The following NEK1 variants were observed in gnomAD, a reference collection of about 807,000 sequenced individuals.
NEK1 encodes NIMA related kinase 1.
In NEK1, 137 loss-of-function variants were observed where a neutral mutation model predicts 182.1. The observed-to-expected ratio is 0.75, with a 90% CI of 0.65 to 0.87. The LOEUF is 0.87. NEK1 is among the 40% of genes least tolerant of loss of function. The pLI is 0.00. For missense variants in NEK1, 1,391 were observed against 1,494.4 expected (o/e 0.93, Z 1.14); for synonymous variants, 513 against 492.2 (o/e 1.04, Z -0.56).
intron 2 of NEK1, among the ~76,000 whole-genome samples, chr4:169,608,390 G>T (rs1382999255): frequency 6.6e-6 from 1 of 152,002 alleles, no homozygotes; most frequent in Non-Finnish European, 1.5e-5. Flanking sequence ...GTAGCCATGT[G>T]GGGAAAAAAA....
rs141706300 is a variant in NEK1, at chr4:169,460,818, A to C, written c.2587+2425T>G. 4.2e-3 allele frequency among the ~76,000 whole-genome samples: 635 copies of C among 152,272 alleles called. 3 individuals carry two copies. The highest frequency in any genetic ancestry group is 7.6e-3 in the Non-Finnish European group (520 of 68,010). ...TATTAAAGACAGTCAAGGAAAAAAAAGTAAGCCAAGGATTTTACATGCAGC... is the reference window on the plus strand; with the variant it reads ...TATTAAAGACAGTCAAGGAAAAAAACGTAAGCCAAGGATTTTACATGCAGC... On this transcript the variant is annotated intron_variant, in intron 27 of 35. Coordinates refer to ENST00000507142, the MANE Select transcript of NEK1 (RefSeq NM_001199397.3).
intron 18 of NEK1, among the ~76,000 whole-genome samples, chr4:169,546,366 T>G (rs1356474458): frequency 6.6e-6 from 1 of 152,218 alleles, no homozygotes; most frequent in Non-Finnish European, 1.5e-5. Flanking sequence ...ATGATTTCCA[T>G]TCTTTTGCAT....
chr4:169,442,262 C>T (rs757368927), intron 27 of NEK1, among the ~76,000 whole-genome samples: 12 of 152,152 alleles, frequency 7.9e-5, no homozygotes, highest in Admixed American at 2.0e-4. Context: ...TCCCTGTCCA[C>T]GGTAAATCCT....
At chr4:169,452,156 TGA>T (rs758621612) in intron 27 of NEK1, among the ~76,000 whole-genome samples, 5 of 152,336 alleles carry the variant, frequency 3.3e-5, no homozygotes, top group Non-Finnish European at 7.3e-5. Flanking sequence ...TAACAGGCTC[TGA>T]AATTGAGGCA....
At chr4:169,433,770 A>G (rs1312698705) in intron 28 of NEK1, 105 bp from the exon 29 acceptor site, 2 of 1,136,036 alleles carry the variant, frequency 1.8e-6, no homozygotes, top group East Asian at 2.6e-5. Flanking sequence ...AGGGTAATAT[A>G]TTCATTAAAA....
intron 23 of NEK1, among the ~76,000 whole-genome samples, chr4:169,497,928 G>T (rs1374507026): frequency 6.6e-6 from 1 of 152,176 alleles, no homozygotes; most frequent in Non-Finnish European, 1.5e-5. Flanking sequence ...GGTCCCCTTG[G>T]TGCAGAGCTG....
chr4:169,505,671 C>G (rs1343491261), intron 23 of NEK1, among the ~76,000 whole-genome samples: 1 of 152,108 alleles, frequency 6.6e-6, no homozygotes, highest in Admixed American at 6.5e-5. Flanking sequence ...TGGCATAAAA[C>G]AAGCAATAAA....
At chr4:169,402,599 T>C (rs1323938066) in intron 32 of NEK1, among the ~76,000 whole-genome samples, 1 of 152,224 alleles carries the variant, frequency 6.6e-6, no homozygotes, top group Non-Finnish European at 1.5e-5. Context: ...TGGAATGAAA[T>C]AACTTATACA....
chr4:169,448,462 A>T (rs939482110), intron 27 of NEK1, among the ~76,000 whole-genome samples: 1 of 152,226 alleles, frequency 6.6e-6, no homozygotes. Context: ...GCAAAAAAAT[A>T]AAAAGCAAGA....
intron 12 of NEK1, among the ~76,000 whole-genome samples, chr4:169,569,454 C>T (rs1174816740): frequency 3.0e-5 from 4 of 131,758 alleles, no homozygotes; most frequent in African/African-American, 1.3e-4. Flanking sequence ...CTCCCTCCCT[C>T]CCTCTCTCCC....
chr4:169,563,205 T>C (rs1397045885), intron 12 of NEK1, among the ~76,000 whole-genome samples: 2 of 151,738 alleles, frequency 1.3e-5, no homozygotes, highest in African/African-American at 4.8e-5. Flanking sequence ...ACAAAAAATT[T>C]TTAAAAATTA....
chr4:169,500,127 C>T (rs552912227), intron 23 of NEK1, among the ~76,000 whole-genome samples: 28 of 152,214 alleles, frequency 1.8e-4, no homozygotes, highest in African/African-American at 3.1e-4. Flanking sequence ...GCCTCGCTGC[C>T]GCCTTGCAGT....
chr4:169,576,860 A>C, intron 12 of NEK1, 68 bp downstream of exon 12: 1 of 1,371,124 alleles, frequency 7.3e-7, no homozygotes, highest in Non-Finnish European at 1.0e-6. Context: ...AGGTAACTGA[A>C]TTGAGCTGCA....
At chr4:169,454,261 A>G (rs1457920831) in intron 27 of NEK1, among the ~76,000 whole-genome samples, 1 of 152,250 alleles carries the variant, frequency 6.6e-6, no homozygotes, top group Non-Finnish European at 1.5e-5. Flanking sequence ...CATTCAGGAC[A>G]TAGGCATGGG....
rs571177148 is a variant in NEK1 at position 169,509,471 on chromosome 4, T to C, written c.1666-619A>G. On this transcript the variant is annotated intron_variant, in intron 19 of 35. Transcript: ENST00000507142. ...CTTAAAAAAAACTCTTTAGTCCCAC[T>C]TTCCTGTCAAATGTCTTTTTATTGG... 2.0e-5 allele frequency among the ~76,000 whole-genome samples: 3 copies of C among 152,306 alleles called. No homozygotes were observed. In the South Asian group the frequency reaches 6.2e-4, roughly 32 times the overall value.
At chr4:169,591,998 C>T (rs1261939775) in intron 5 of NEK1, among the ~76,000 whole-genome samples, 1 of 150,208 alleles carries the variant, frequency 6.7e-6, no homozygotes, top group East Asian at 2.0e-4. Context: ...AAAAAATGCC[C>T]GAAAAACGCA....
intron 27 of NEK1, among the ~76,000 whole-genome samples, chr4:169,450,119 A>T (rs758998230): frequency 7.9e-5 from 12 of 152,200 alleles, no homozygotes; most frequent in Non-Finnish European, 1.6e-4. Flanking sequence ...CGAGAAGAGA[A>T]GTTTAGAGAA....
At chr4:169,581,039 TAAAAAAAAAA>T (rs34236215) in intron 10 of NEK1, 137 bp from the exon 11 acceptor site, 29 of 130,970 alleles carry the variant, frequency 2.2e-4, no homozygotes, top group South Asian at 1.7e-3. Context: ...ACCAAGTTGT[TAAAAAAAAAA>T]AAAAAAAAAA....
At chr4:169,417,526 C>T (rs1037442988) in intron 31 of NEK1, among the ~76,000 whole-genome samples, 3 of 152,136 alleles carry the variant, frequency 2.0e-5, no homozygotes, top group Non-Finnish European at 4.4e-5. Flanking sequence ...GATGAATAAT[C>T]TGTAGGAAAG....
Sources: gnomAD v4.1 joint callset for allele counts (sites outside exome capture counted in the v4.1 genomes callset) on GRCh38, gnomAD v4.1.1 for gene constraint, MANE v1.5 for transcripts, NCBI Gene and HGNC (gene_info 2026-07-23, HGNC 2026-07-21) for gene names.